The following FRMPD4 variants were observed in gnomAD, a reference collection of about 807,000 sequenced individuals.
The protein encoded by FRMPD4 is FERM and PDZ domain containing 4, also known as FERM and PDZ domain-containing protein 4.
In FRMPD4, 22 loss-of-function variants were observed where a neutral mutation model predicts 94.1. That is an observed-to-expected ratio of 0.23 (90% CI 0.17 to 0.33). FRMPD4 has a LOEUF of 0.33. FRMPD4 is among the 10% of genes least tolerant of loss of function. The pLI, the probability that FRMPD4 is intolerant of heterozygous loss-of-function variation, is 1.00. For synonymous variants in FRMPD4, 631 were observed against 548.6 expected (o/e 1.15, Z -2.10); for missense variants, 1,111 against 1,339.9 (o/e 0.83, Z 2.67).
chrX:12,721,551 C>T lies in FRMPD4; in HGVS notation c.4982C>T (p.Ala1661Val). 1 of 753,336 alleles carries T rather than the reference C, an allele frequency of 1.3e-6. No individual in the cohort carries two copies. Among genetic ancestry groups the T allele is most frequent in the African/African-American group, 2.3e-5 (1 of 43,727 alleles). 62.1% of individuals were successfully genotyped at this position (753,336 alleles called of 1,213,427 possible). ...TTGGGAAGTGCCTGTAGGAAAATGG[C>T]GATGGCTGAGAAAAGCCCGGAGGAG... ...RQLGSACRKMAMAEKSPEEML... is the reference protein window; with the variant it reads ...RQLGSACRKMVMAEKSPEEML... The change falls in exon 17 of 17, where the codon GCG becomes GTG. Residue 1661 changes from alanine (A) to valine (V), a missense_variant. Coordinates refer to ENST00000675598, the MANE Select transcript of FRMPD4 (RefSeq NM_001368397.1).
At chrX:12,129,468 C>G (rs1446912400) in intron 3 of FRMPD4, among the ~76,000 whole-genome samples, 1 of 111,769 alleles carries the variant, frequency 8.9e-6, no homozygotes, top group Non-Finnish European at 1.9e-5. Flanking sequence ...TCCCATGACA[C>G]AGGATTATGA....
chrX:12,712,385 C>CA (rs1569069858), intron 14 of FRMPD4, among the ~76,000 whole-genome samples: 2 of 110,576 alleles, frequency 1.8e-5, no homozygotes, highest in Non-Finnish European at 3.8e-5. Flanking sequence ...ATCGTCTCTA[C>CA]AAAAAATATA....
intron 3 of FRMPD4, among the ~76,000 whole-genome samples, chrX:12,051,801 T>C (rs778245485): frequency 4.5e-5 from 5 of 110,870 alleles, no homozygotes; most frequent in African/African-American, 6.6e-5. Context: ...GTGTCAATCA[T>C]TGGGGTGGTT....
intron 1 of FRMPD4, among the ~76,000 whole-genome samples, chrX:12,465,514 G>C (rs1041229634): frequency 7.2e-5 from 8 of 111,458 alleles, no homozygotes; most frequent in African/African-American, 1.3e-4. Context: ...CAAGCCCTAA[G>C]ATAAATGTGT....
intron 1 of FRMPD4, among the ~76,000 whole-genome samples, chrX:12,198,992 A>G (rs749562919): frequency 3.8e-4 from 42 of 111,684 alleles, no homozygotes; most frequent in African/African-American, 1.3e-3. Context: ...GATACTTTGT[A>G]TTGATCAAAC....
intron 1 of FRMPD4, among the ~76,000 whole-genome samples, chrX:12,323,098 G>A (rs933470697): frequency 1.2e-4 from 13 of 111,510 alleles, no homozygotes; most frequent in African/African-American, 4.2e-4. Flanking sequence ...TACCTTCAAA[G>A]GCCTAGTTAT....
At chrX:12,078,023 A>G (rs1193050807) in intron 3 of FRMPD4, among the ~76,000 whole-genome samples, 1 of 111,937 alleles carries the variant, frequency 8.9e-6, no homozygotes, top group African/African-American at 3.2e-5. Flanking sequence ...AGCCAGGGCT[A>G]CAGTCACCTG....
chrX:11,952,853 C>T (rs1000298771), intron 3 of FRMPD4, among the ~76,000 whole-genome samples: 10 of 111,526 alleles, frequency 9.0e-5, no homozygotes, highest in Non-Finnish European at 5.6e-5. Context: ...ATCAGCGTCA[C>T]CTTAAGCTTG....
At chrX:12,461,122 T>G in intron 1 of FRMPD4, among the ~76,000 whole-genome samples, 1 of 112,272 alleles carries the variant, frequency 8.9e-6, no homozygotes, top group Middle Eastern at 4.6e-3. Context: ...TTTTAAATTT[T>G]GCTGACTCAA....
chrX:12,061,264 C>G (rs1448563339), intron 3 of FRMPD4, among the ~76,000 whole-genome samples: 2 of 111,729 alleles, frequency 1.8e-5, no homozygotes, highest in East Asian at 5.6e-4. Flanking sequence ...GAGTGAGTCT[C>G]TAGTGATTTA....
chrX:12,469,391 C>T (rs142609469), intron 1 of FRMPD4, among the ~76,000 whole-genome samples: 1,457 of 110,759 alleles, frequency 0.013, 19 homozygotes, highest in African/African-American at 0.043. Flanking sequence ...CTGGGATTAC[C>T]GGCGCACACT....
intron 1 of FRMPD4, among the ~76,000 whole-genome samples, chrX:11,826,933 TGAG>T (rs2053446221): frequency 1.9e-5 from 2 of 108,022 alleles, no homozygotes; most frequent in African/African-American, 6.7e-5. Context: ...GAGAAAGGTA[TGAG>T]GAGGAGGTGT....
chrX:11,940,974 T>C (rs2054156303), intron 3 of FRMPD4, among the ~76,000 whole-genome samples: 1 of 8,042 alleles, frequency 1.2e-4, no homozygotes, highest in Non-Finnish European at 2.7e-4. Context: ...GAGCCAGGTG[T>C]GGGATATAGT....
chrX:12,460,549 T>C (rs913760968), intron 1 of FRMPD4, among the ~76,000 whole-genome samples: 12 of 112,505 alleles, frequency 1.1e-4, no homozygotes, highest in Admixed American at 1.0e-3. Flanking sequence ...TTAAAATCAA[T>C]TGGCCATGTA....
intron 2 of FRMPD4, among the ~76,000 whole-genome samples, chrX:12,529,557 A>T (rs1375370211): frequency 8.9e-6 from 1 of 112,060 alleles, no homozygotes; most frequent in East Asian, 2.8e-4. Context: ...ACATTTATCC[A>T]TTATCCAACA....
At chrX:12,190,627 C>A (rs548992209) in intron 1 of FRMPD4, among the ~76,000 whole-genome samples, 1 of 103,910 alleles carries the variant, frequency 9.6e-6, no homozygotes, top group Non-Finnish European at 2.0e-5. Context: ...GGAGCAAAGA[C>A]AATACAGTGG....
chrX:12,011,081 C>T (rs1255281982), intron 3 of FRMPD4, among the ~76,000 whole-genome samples: 1 of 112,189 alleles, frequency 8.9e-6, no homozygotes, highest in African/African-American at 3.2e-5. Context: ...CAACCCACCC[C>T]CTTAATGAAT....
intron 3 of FRMPD4, among the ~76,000 whole-genome samples, chrX:12,060,893 A>G (rs1489934625): frequency 1.8e-5 from 2 of 112,156 alleles, no homozygotes; most frequent in African/African-American, 6.5e-5. Context: ...TAGGAATAGT[A>G]ACAATTTATT....
chrX:11,926,733 C>A (rs1027152978), intron 3 of FRMPD4, among the ~76,000 whole-genome samples: 1 of 111,553 alleles, frequency 9.0e-6, no homozygotes, highest in Non-Finnish European at 1.9e-5. Flanking sequence ...TCTCAATAAA[C>A]TAGGTATTGA....
Sources: gnomAD v4.1 joint callset for allele counts (sites outside exome capture counted in the v4.1 genomes callset) on GRCh38, gnomAD v4.1.1 for gene constraint, MANE v1.5 for transcripts, NCBI Gene and HGNC (gene_info 2026-07-23, HGNC 2026-07-21) for gene names.